The following EFCAB9 variants were observed in gnomAD, a reference collection of about 807,000 sequenced individuals.
EFCAB9 encodes the protein EF-hand calcium binding domain 9.
Under a neutral mutation model 15.6 loss-of-function variants are expected in EFCAB9, and 16 were observed. That is an observed-to-expected ratio of 1.03 (90% confidence interval 0.69 to 1.56). The LOEUF (loss-of-function observed/expected upper bound fraction) is 1.56. Ranked by LOEUF, EFCAB9 falls within the 40% of genes most tolerant of loss-of-function variation. EFCAB9 has a pLI of 0.00. For synonymous variants in EFCAB9, 76 were observed against 85.4 expected (o/e 0.89, Z 0.61); for missense variants, 208 against 235.4 (o/e 0.88, Z 0.76).
chr5:172,200,426 T>C, intron 2 of EFCAB9, 140 bp from the exon 3 acceptor site: 1 of 833,124 alleles, frequency 1.2e-6, no homozygotes, highest in East Asian at 2.8e-5. Context: ...ATAGAACCCT[T>C]TCAGCCCTGA....
rs1032620820 is a variant in EFCAB9 at position 172,200,512 on chromosome 5, A to G, written c.286-54A>G. On this transcript the variant is annotated intron_variant, in intron 2 of 3. Coordinates refer to ENST00000398186, the MANE Select transcript of EFCAB9 (RefSeq NM_001171183.2). Reference sequence around the variant, plus strand: ...AGATATGTCTTGAGGAAACAAGTTTAGAAAGCAGCATCGACAACACTGTTG... The same window carrying G: ...AGATATGTCTTGAGGAAACAAGTTTGGAAAGCAGCATCGACAACACTGTTG... 2.7e-6 allele frequency: 4 copies of G among 1,480,042 alleles called. No individual in the cohort carries two copies. In the South Asian group the frequency reaches 5.3e-5, roughly 19 times the overall value. The allele number at this position is 1,480,042 out of a possible 1,614,324, so 91.7% of individuals were successfully genotyped here.
At chr5:172,194,883 A>G (rs1771133261) in intron 1 of EFCAB9, among the ~76,000 whole-genome samples, 1 of 151,980 alleles carries the variant, frequency 6.6e-6, no homozygotes, top group African/African-American at 2.4e-5. Context: ...CATTTTCCTC[A>G]TCTAGAGGTG....
At chr5:172,200,808 C>G (rs1349319214) in intron 3 of EFCAB9, 66 bp downstream of exon 3, 3 of 1,446,358 alleles carry the variant, frequency 2.1e-6, no homozygotes, top group African/African-American at 2.8e-5. Context: ...GAAAAATGTC[C>G]TACTACATAT....
intron 1 of EFCAB9, among the ~76,000 whole-genome samples, chr5:172,194,531 C>G (rs773841661): frequency 6.6e-6 from 1 of 152,086 alleles, no homozygotes; most frequent in African/African-American, 2.4e-5. Flanking sequence ...TCCTGAGTAG[C>G]TGGGATTACA....
At position 172,200,737 on chromosome 5, in the gene EFCAB9, G is replaced by T; in HGVS notation, c.457G>T (p.Asp153Tyr). 6.5e-7 allele frequency: 1 copy of T among 1,536,492 alleles called. No individual in the cohort carries two copies. The highest frequency in any genetic ancestry group is 1.2e-5 in the South Asian group (1 of 83,862). Residue 153 changes from aspartate to tyrosine, a missense_variant, in exon 3 of 4, where the codon GAC becomes TAC. Physicochemically the swap from Asp to Tyr is radical, Grantham distance 160. Coordinates refer to ENST00000398186, the MANE Select transcript of EFCAB9 (RefSeq NM_001171183.2). ...CTTCCGTGACTTTGACATTACAGGT[G>T]ACAATGTAAGTACAGATCCAAAATG... ...DLFRDFDITG[D>Y]NRLNYQEFKL...
At chr5:172,195,254 T>G (rs184674563) in intron 1 of EFCAB9, among the ~76,000 whole-genome samples, 6 of 152,150 alleles carry the variant, frequency 3.9e-5, no homozygotes, top group Admixed American at 2.0e-4. Flanking sequence ...CACAAACTAA[T>G]AGAAGTCCAA....
intron 1 of EFCAB9, among the ~76,000 whole-genome samples, chr5:172,197,630 T>C (rs72845188): frequency 0.094 from 14,340 of 152,268 alleles, 679 homozygotes; most frequent in Admixed American, 0.13. Context: ...GTATTGTGTC[T>C]GGTGTTGGTT....
chr5:172,201,549 AAAACAAACAAAC>A (rs71577525), intron 3 of EFCAB9, among the ~76,000 whole-genome samples: 1 of 151,594 alleles, frequency 6.6e-6, no homozygotes, highest in African/African-American at 2.4e-5. Context: ...TCCATCTTAA[AAAACAAACAAAC>A]AAACAAACAA....
intron 1 of EFCAB9, among the ~76,000 whole-genome samples, chr5:172,198,679 C>T (rs549795296): frequency 3.9e-5 from 6 of 152,244 alleles, no homozygotes; most frequent in Admixed American, 1.3e-4. Context: ...TGCAGCAGCA[C>T]GATCTTGGCT....
rs140266043 is a variant in EFCAB9 at position 172,200,480 on chromosome 5, C to T, written c.286-86C>T. The T allele has an allele frequency of 3.6e-4, 483 of 1,329,358 alleles. 4 individuals carry two copies. In the Middle Eastern group the frequency reaches 0.013, roughly 37 times the overall value. 82.3% of individuals were successfully genotyped at this position (1,329,358 alleles called of 1,614,324 possible). A position where few individuals can be genotyped will look rare whatever the true frequency, so the allele number is the denominator to read the frequency against. On this transcript the variant is annotated intron_variant, in intron 2 of 3. Coordinates refer to ENST00000398186, the MANE Select transcript of EFCAB9 (RefSeq NM_001171183.2). ...TGCTTTTAGCTCTCTAGGGAAGGGG[C>T]TGGTGAAGATATGTCTTGAGGAAAC...
At chr5:172,202,422 T>C (rs1561843955) in intron 3 of EFCAB9, among the ~76,000 whole-genome samples, 1 of 151,726 alleles carries the variant, frequency 6.6e-6, no homozygotes, top group Non-Finnish European at 1.5e-5. Context: ...GAAAGTGACC[T>C]TTGTGCTGGG....
chr5:172,203,381 C>T lies in EFCAB9; in HGVS notation c.*36C>T. 1 of 1,517,552 alleles carries T rather than the reference C, an allele frequency of 6.6e-7. No homozygotes were observed. Among genetic ancestry groups the T allele is most frequent in the East Asian group, 2.5e-5 (1 of 40,640 alleles). 94.0% of individuals were successfully genotyped at this position (1,517,552 alleles called of 1,614,324 possible). A position where few individuals can be genotyped will look rare whatever the true frequency, so the allele number is the denominator to read the frequency against. ...AAAGAGTCTTGGAAAAAAATGGGAT[C>T]TGAAAGTACAGAACATGAACATTGA... On this transcript the variant is annotated 3_prime_UTR_variant, in exon 4 of 4. Coordinates refer to ENST00000398186, the MANE Select transcript of EFCAB9 (RefSeq NM_001171183.2).
At chr5:172,200,769 G>A (rs2306959) in intron 3 of EFCAB9, 27 bp downstream of exon 3, 1 of 1,523,486 alleles carries the variant, frequency 6.6e-7, no homozygotes, top group East Asian at 2.5e-5. Flanking sequence ...AATGTGGCAT[G>A]TGTGTGGCAG....
intron 3 of EFCAB9, among the ~76,000 whole-genome samples, chr5:172,202,956 G>A (rs571196428): frequency 2.0e-5 from 3 of 152,240 alleles, no homozygotes; most frequent in African/African-American, 7.2e-5. Flanking sequence ...CCGAGATAGC[G>A]CCACTGCACT....
intron 3 of EFCAB9, among the ~76,000 whole-genome samples, 183 bp downstream of exon 3, chr5:172,200,925 A>G (rs963320718): frequency 2.6e-5 from 4 of 152,162 alleles, no homozygotes; most frequent in African/African-American, 9.7e-5. Flanking sequence ...TCTTGAAGAG[A>G]AAGGGTGGAC....
At chr5:172,201,809 G>A (rs1581201731) in intron 3 of EFCAB9, among the ~76,000 whole-genome samples, 2 of 152,102 alleles carry the variant, frequency 1.3e-5, no homozygotes, top group African/African-American at 4.8e-5. Flanking sequence ...AGGAGTTCCA[G>A]GCCAGCCCGG....
chr5:172,203,417 T>C lies in EFCAB9; in HGVS notation c.*72T>C, dbSNP rs1771292669. ...GAACATGAACATTGATGAAGACTGT[T>C]AACATGTCTAAAAATAAATTCAGAG... On this transcript the variant is annotated 3_prime_UTR_variant, in exon 4 of 4. Transcript: ENST00000398186. 6.9e-7 allele frequency: 1 copy of C among 1,452,706 alleles called. No individual in the cohort carries two copies. The highest frequency in any genetic ancestry group is 2.5e-5 in the East Asian group (1 of 39,828). 90.0% of individuals were successfully genotyped at this position (1,452,706 alleles called of 1,614,324 possible).
At chr5:172,197,391 G>A (rs1771181367) in intron 1 of EFCAB9, among the ~76,000 whole-genome samples, 1 of 152,142 alleles carries the variant, frequency 6.6e-6, no homozygotes. Flanking sequence ...ACAGGCATGA[G>A]CCACCGCGCC....
rs1378602471 is a variant in EFCAB9, at chr5:172,194,357, C to A, written c.136+49C>A. On this transcript the variant is annotated intron_variant, in intron 1 of 3. Transcript: ENST00000398186. ...CTCTGGGTCCTTACCTGGGTTTTAGCTAATGTGTAAGAAAACTTGCAGAGC... is the reference window on the plus strand; with the variant it reads ...CTCTGGGTCCTTACCTGGGTTTTAGATAATGTGTAAGAAAACTTGCAGAGC... The A allele has an allele frequency of 6.6e-6, 10 of 1,513,182 alleles. No homozygotes were observed. In the Admixed American group the frequency reaches 2.2e-4, roughly 33 times the overall value. The allele number at this position is 1,513,182 out of a possible 1,614,324, so 93.7% of individuals were successfully genotyped here.
Sources: allele counts gnomAD v4.1 joint callset (sites outside exome capture counted in the v4.1 genomes callset), GRCh38; gene constraint gnomAD v4.1.1; transcripts MANE v1.5; gene names NCBI Gene and HGNC (gene_info 2026-07-23, HGNC 2026-07-21).